Variants in HMOX2 observed in about 807,000 individuals in gnomAD.
HMOX2 encodes heme oxygenase (decycling) 2.
A neutral mutation model predicts 33.7 loss-of-function variants in HMOX2; 30 were observed. The ratio of observed to expected loss-of-function variants is 0.89; its 90% CI spans 0.67 to 1.21. The LOEUF (loss-of-function observed/expected upper bound fraction) is 1.21, where lower values mean the gene tolerates loss of function less well. HMOX2 is among the 50% of genes most tolerant of loss of function. The pLI, the probability that HMOX2 is intolerant of heterozygous loss-of-function variation, is 0.00. For synonymous variants in HMOX2, 155 were observed against 155.0 expected, an observed-to-expected ratio of 1.00 and a Z score of 0.00; for missense variants, 403 against 399.1, an observed-to-expected ratio of 1.01 and a Z score of -0.08.
chr16:4,496,068 TC>T (rs1441658854), intron 1 of HMOX2: 1 of 152,196 alleles, frequency 6.6e-6, no homozygotes, highest in African/African-American at 2.4e-5. Context: ...TTCGGAATCT[TC>T]AACTGGGCCT....
chr16:4,505,569 A>C lies in HMOX2; in HGVS notation c.45A>C (p.Glu15Asp). Residue 15 changes from glutamate (E) to aspartate (D), a missense_variant, in exon 2 of 6, where the codon GAA (glutamate) becomes GAC (aspartate). Transcript: ENST00000570646. ...CCTCAGAGGGGGTAGACGAGTCAGA[A>C]AAAAAGAACTCTGGGGCCCTAGAAA... ...VETSEGVDES[E>D]KKNSGALEKE... 1 of 1,605,860 alleles carries C rather than the reference A, an allele frequency of 6.2e-7. No homozygotes were observed. The highest frequency in any genetic ancestry group is 8.5e-7 in the Non-Finnish European group (1 of 1,175,660).
chr16:4,480,942 C>G (rs1047019117), intron 1 of HMOX2, among the ~76,000 whole-genome samples: 7 of 151,704 alleles, frequency 4.6e-5, no homozygotes, highest in African/African-American at 1.7e-4. Flanking sequence ...GCGTGAGCCA[C>G]CGCGCCCGGC....
chr16:4,477,653 T>C (rs1596430813), intron 1 of HMOX2, among the ~76,000 whole-genome samples: 1 of 151,860 alleles, frequency 6.6e-6, no homozygotes, highest in African/African-American at 2.4e-5. Context: ...GTGCAGTGGC[T>C]CACTCCTGTA....
chr16:4,509,330 A>C, intron 4 of HMOX2, 82 bp from the exon 5 acceptor site: 12,685 of 1,091,124 alleles, frequency 0.012, no homozygotes, highest in Non-Finnish European at 0.015. Flanking sequence ...GGCAACAGAG[A>C]CCTCATCTCA....
intron 4 of HMOX2, among the ~76,000 whole-genome samples, chr16:4,508,491 C>A (rs998527399): frequency 6.6e-6 from 1 of 152,144 alleles, no homozygotes; most frequent in African/African-American, 2.4e-5. Flanking sequence ...TCCCTCATTG[C>A]AGGATGCTGG....
intron 5 of HMOX2, 37 bp downstream of exon 5, chr16:4,509,575 G>C (rs931756069): frequency 1.2e-6 from 2 of 1,613,980 alleles, no homozygotes; most frequent in Non-Finnish European, 1.7e-6. Context: ...TCCTGGGGCA[G>C]GTGTAGCAGG....
chr16:4,492,284 A>G (rs2058323837), intron 1 of HMOX2, among the ~76,000 whole-genome samples: 1 of 152,166 alleles, frequency 6.6e-6, no homozygotes, highest in African/African-American at 2.4e-5. Flanking sequence ...CAGTGAGCTA[A>G]TATCTCACCA....
intron 1 of HMOX2, chr16:4,496,367 G>T (rs2141575333): frequency 6.6e-6 from 1 of 152,034 alleles, no homozygotes; most frequent in South Asian, 2.1e-4. Context: ...CAAGTGATCT[G>T]CCCGCCTCGG....
Position 4,508,117 on chromosome 16 carries a change from G to A in HMOX2, c.609G>A (p.Arg203=). Residue 203 remains arginine, a synonymous_variant, in exon 4 of 6, where the codon CGG becomes CGA. Coordinates refer to ENST00000570646, the MANE Select transcript of HMOX2 (RefSeq NM_002134.4). Reference sequence around the variant, plus strand: ...CCCAGCAGTTCAAGCAGCTCTACCGGGCCAGGATGAACGCCCTGGACCTGA... The same window carrying A: ...CCCAGCAGTTCAAGCAGCTCTACCGAGCCAGGATGAACGCCCTGGACCTGA... ...DNAQQFKQLY[R]ARMNALDLNM... 1 of 1,614,152 alleles carries A rather than the reference G, an allele frequency of 6.2e-7. No homozygotes were observed. Among genetic ancestry groups the A allele is most frequent in the Non-Finnish European group, 8.5e-7 (1 of 1,180,030 alleles).
chr16:4,507,546 T>A (rs1393713540), intron 3 of HMOX2, among the ~76,000 whole-genome samples, 167 bp from the exon 4 acceptor site: 1 of 152,166 alleles, frequency 6.6e-6, no homozygotes, highest in Non-Finnish European at 1.5e-5. Context: ...CACCATGCCA[T>A]TCCTTTAAGA....
intron 1 of HMOX2, among the ~76,000 whole-genome samples, chr16:4,483,993 G>C (rs866267853): frequency 7.8e-5 from 3 of 38,244 alleles, no homozygotes; most frequent in African/African-American, 1.2e-4. Flanking sequence ...TTTTTTTTTT[G>C]AGACGGAGTC....
chr16:4,497,401 T>A (rs1359180638), intron 1 of HMOX2, among the ~76,000 whole-genome samples: 1 of 152,170 alleles, frequency 6.6e-6, no homozygotes, highest in African/African-American at 2.4e-5. Flanking sequence ...CACTCAGGAC[T>A]TCACCCCTCC....
In HMOX2 at chr16:4,505,428, A is replaced by G. The variant is rs573470833; in HGVS notation, c.-41-56A>G. ...TCTGAGGAAAGCAGAACCGACAGGT[A>G]TTTGGGGAAGTGACTGCCGTGGGTG... is the stretch of plus-strand genomic sequence containing the variant. On this transcript the variant is annotated intron_variant, in intron 1 of 5. Coordinates refer to ENST00000570646, the MANE Select transcript of HMOX2 (RefSeq NM_002134.4). 2.3e-5 allele frequency: 18 copies of G among 790,420 alleles called. No individual in the cohort carries two copies. The East Asian group carries it at 4.6e-4, about 20-fold the overall frequency. The allele number at this position is 790,420 out of a possible 1,614,324, so 49.0% of individuals were successfully genotyped here.
In HMOX2 at chr16:4,506,933, A is replaced by T; in HGVS notation, c.125A>T (p.Lys42Met). The T allele has an allele frequency of 6.2e-7, 1 of 1,614,138 alleles. No individual in the cohort carries two copies. The highest frequency in any genetic ancestry group is 8.5e-7 in the Non-Finnish European group (1 of 1,179,968). The change falls in exon 3 of 6, where the codon AAG becomes ATG. Residue 42 changes from lysine to methionine, a missense_variant. Transcript: ENST00000570646. Reference sequence around the variant, plus strand: ...TCGGAGCTCCTGAAGGAAGGGACCAAGGAAGCACACGACCGGGCAGAAAAC... The same window carrying T: ...TCGGAGCTCCTGAAGGAAGGGACCATGGAAGCACACGACCGGGCAGAAAAC... ...DLSELLKEGT[K>M]EAHDRAENTQ...
chr16:4,487,210 A>G (rs940179762), intron 1 of HMOX2, among the ~76,000 whole-genome samples: 4 of 152,008 alleles, frequency 2.6e-5, no homozygotes, highest in Non-Finnish European at 5.9e-5. Flanking sequence ...GTGAGCTCTG[A>G]TTGACCCAGT....
intron 1 of HMOX2, chr16:4,481,979 G>A (rs965675114): frequency 6.6e-6 from 1 of 152,184 alleles, no homozygotes; most frequent in Non-Finnish European, 1.5e-5. Context: ...TTGGTGAAGT[G>A]TGGCCTGGGT....
chr16:4,507,943 G>A lies in HMOX2; in HGVS notation c.435G>A (p.Glu145=), dbSNP rs1279106304. 10 of 1,613,892 alleles carry A rather than the reference G, an allele frequency of 6.2e-6. No individual in the cohort carries two copies. Among genetic ancestry groups the A allele is most frequent in the Admixed American group, 1.7e-5 (1 of 59,992 alleles). ...VERIHYIGQN[E]PELLVAHAYT... is the part of the protein sequence containing the mutation. The stretch of plus-strand genomic sequence containing the variant: ...GGATCCACTACATAGGGCAGAACGA[G>A]CCGGAGCTACTGGTGGCCCATGCAT... Residue 145 remains glutamate (E), a synonymous_variant, in exon 4 of 6, where the codon GAG becomes GAA. Transcript: ENST00000570646.
At chr16:4,480,723 G>T (rs1209743293) in intron 1 of HMOX2, among the ~76,000 whole-genome samples, 1 of 150,242 alleles carries the variant, frequency 6.7e-6, no homozygotes, top group Non-Finnish European at 1.5e-5. Context: ...TGTGACCTTG[G>T]TTCACTGCAA....
chr16:4,484,188 A>T (rs554404315), intron 1 of HMOX2, among the ~76,000 whole-genome samples: 2 of 151,476 alleles, frequency 1.3e-5, no homozygotes, highest in East Asian at 3.9e-4. Context: ...GTTAGCCAAG[A>T]TGGTCTCAAT....
Sources: gnomAD v4.1 joint callset for allele counts (sites outside exome capture counted in the v4.1 genomes callset) on GRCh38, gnomAD v4.1.1 for gene constraint, MANE v1.5 for transcripts, NCBI Gene and HGNC (gene_info 2026-07-23, HGNC 2026-07-21) for gene names.